NPDC1: variants seen among roughly 807,000 people sequenced by gnomAD.
NPDC1 encodes the protein neural proliferation, differentiation and control 1.
Under a neutral mutation model 32.5 loss-of-function variants are expected in NPDC1, and 18 were observed. The observed-to-expected ratio is 0.55, with a 90% confidence interval of 0.38 to 0.82. NPDC1 has a LOEUF of 0.82. Among genes scored for constraint, NPDC1 ranks in the 40% least tolerant of loss-of-function variants. The probability of loss-of-function intolerance (pLI) is 0.00; values close to 1 mark genes in which losing one functional copy is unlikely to be tolerated. For synonymous variants in NPDC1, 210 were observed against 184.7 expected, an observed-to-expected ratio of 1.14 and a Z score of -1.11; for missense variants, 468 against 406.6, an observed-to-expected ratio of 1.15 and a Z score of -1.30.
chr9:137,044,444 G>A (rs1168651336), intron 1 of NPDC1, among the ~76,000 whole-genome samples: 1 of 152,232 alleles, frequency 6.6e-6, no homozygotes, highest in Admixed American at 6.5e-5. Context: ...GCCAAAGGCA[G>A]GGGCCTGAGG....
rs1450168233 is a variant in NPDC1, at chr9:137,040,723, A to G, written c.571T>C (p.Phe191Leu). The stretch of plus-strand genomic sequence containing the variant: ...AGGGCGGCTGCACCGGCCACACAGA[A>G]CGCCAGGATCAGCACTGCAGGAGGG... ...DGLALVLILA[F>L]CVAGAAALSV... Residue 191 changes from phenylalanine (F) to leucine (L), a missense_variant, in exon 5 of 9, where the codon TTC (phenylalanine) becomes CTC (leucine). Physicochemically the swap from Phe to Leu is conservative, Grantham distance 22 (BLOSUM62 0). Transcript: ENST00000371601. 2 of 1,590,208 alleles carry G rather than the reference A, an allele frequency of 1.3e-6. No individual in the cohort carries two copies. The highest frequency in any genetic ancestry group is 1.7e-6 in the Non-Finnish European group (2 of 1,173,782).
rs1203120822 is a variant in NPDC1, at chr9:137,045,890, C to T, written c.100G>A (p.Ala34Thr). 48 of 1,106,096 alleles carry T rather than the reference C, an allele frequency of 4.3e-5. No homozygotes were observed. The East Asian group carries it at 2.4e-3, about 55-fold the overall frequency. The allele number at this position is 1,106,096 out of a possible 1,614,324, so 68.5% of individuals were successfully genotyped here. A position where few individuals can be genotyped will look rare whatever the true frequency, so the allele number is the denominator to read the frequency against. ...VLGAALRGAA[A>T]GHPDVAACPG... ...CGCGCTCGCTCACCCGGGTGGCCGG[C>T]GGCGGCTCCACGCAGGGCGGCGCCG... The change falls in exon 1 of 9, where the codon GCC (alanine) becomes ACC (threonine). Residue 34 changes from alanine to threonine, a missense_variant. Physicochemically the swap from Ala to Thr is moderately conservative, Grantham distance 58. Transcript: ENST00000371601.
At chr9:137,044,028 G>A (rs1166905409) in intron 1 of NPDC1, 1 of 153,022 alleles carries the variant, frequency 6.5e-6, no homozygotes, top group Non-Finnish European at 1.5e-5. Flanking sequence ...CCTGCCTGGG[G>A]AGTCTGCGGT....
In NPDC1 at chr9:137,040,693, C is replaced by A. The variant is rs752841069; in HGVS notation, c.601G>T (p.Val201Leu). The A allele has an allele frequency of 6.3e-7, 1 of 1,584,650 alleles. No individual in the cohort carries two copies. The highest frequency in any genetic ancestry group is 8.5e-7 in the Non-Finnish European group (1 of 1,170,948). Residue 201 changes from valine (V) to leucine (L), a missense_variant, in exon 5 of 9, where the codon GTA becomes TTA. Val to Leu is a conservative substitution (Grantham distance 32, BLOSUM62 1). Transcript: ENST00000371601. ...CACCTGCACCAGCAGAGGGAGGCTA[C>A]GGAGAGGGCGGCTGCACCGGCCACA... ...FCVAGAAALS[V>L]ASLCWCRLQR...
In NPDC1 at chr9:137,040,843, CG is replaced by C; in HGVS notation, c.526del (p.Arg176GlyfsTer12). 6.3e-7 allele frequency: 1 copy of C among 1,596,672 alleles called. No homozygotes were observed. Among genetic ancestry groups the C allele is most frequent in the South Asian group, 1.1e-5 (1 of 89,324 alleles). On this transcript the variant is annotated frameshift_variant, in exon 4 of 9. Coordinates refer to ENST00000371601, the MANE Select transcript of NPDC1 (RefSeq NM_015392.4). LOFTEE classifies it high-confidence loss of function. ...GGCGAGGCCGTCGCCTTGCCCTCCC[CG>C]GGGCTCCAGGGGCGACATGTGCACC... ...DPVHMSPLEP[R>X]GGQGDGLALV... is the part of the protein sequence containing the mutation.
At position 137,046,065 on chromosome 9, in the gene NPDC1, G is replaced by T; in HGVS notation, c.-76C>A. ...GCGCGGGCTCCGGGCTCCGCGTCGG[G>T]AGCAGCGGAGGCAGCGGGGGAGGAC... is the stretch of plus-strand genomic sequence containing the variant. On this transcript the variant is annotated 5_prime_UTR_variant, in exon 1 of 9. Coordinates refer to ENST00000371601, the MANE Select transcript of NPDC1 (RefSeq NM_015392.4). The T allele has an allele frequency of 8.8e-7, 1 of 1,133,602 alleles. No homozygotes were observed. Among genetic ancestry groups the T allele is most frequent in the South Asian group, 4.4e-5 (1 of 22,942 alleles). 70.2% of individuals were successfully genotyped at this position (1,133,602 alleles called of 1,614,324 possible). A position where few individuals can be genotyped will look rare whatever the true frequency, so the allele number is the denominator to read the frequency against.
chr9:137,042,877 A>C (rs765279872), intron 2 of NPDC1, 50 bp downstream of exon 2: 2 of 1,542,056 alleles, frequency 1.3e-6, no homozygotes, highest in Non-Finnish European at 1.7e-6. Flanking sequence ...TTACAGGGAG[A>C]GGTTCATGCA....
At position 137,041,430 on chromosome 9, in the gene NPDC1, G is replaced by A. The variant is rs551144303; in HGVS notation, c.260-243C>T. Among the ~76,000 whole-genome samples, 6 of 152,304 alleles carry A rather than the reference G, an allele frequency of 3.9e-5. No individual in the cohort carries two copies. The South Asian group carries it at 1.0e-3, about 26-fold the overall frequency. ...AGGGAAACGTCCAAAGACCGGGCAC[G>A]GGGAGGAAGGAGTGGGGTCTCTCGC... On this transcript the variant is annotated intron_variant, in intron 2 of 8. Coordinates refer to ENST00000371601, the MANE Select transcript of NPDC1 (RefSeq NM_015392.4).
At chr9:137,041,500 C>T (rs1036981026) in intron 2 of NPDC1, among the ~76,000 whole-genome samples, 7 of 152,216 alleles carry the variant, frequency 4.6e-5, no homozygotes, top group African/African-American at 9.6e-5. Context: ...GCCCCTTCTG[C>T]TTCCCCACCT....
Position 137,039,648 on chromosome 9 carries a change from G to A in NPDC1, c.*124C>T, listed in dbSNP as rs1832014112. On this transcript the variant is annotated 3_prime_UTR_variant, in exon 9 of 9. Transcript: ENST00000371601. ...TCCCTGGCAAGGGGTCCCAGGGCCT[G>A]GAGCCCGAGGCCCAGCCAAAAGCAC... is the stretch of plus-strand genomic sequence containing the variant. 1.7e-6 allele frequency: 1 copy of A among 598,024 alleles called. No homozygotes were observed. The highest frequency in any genetic ancestry group is 3.0e-5 in the Admixed American group (1 of 32,960). 37.0% of individuals were successfully genotyped at this position (598,024 alleles called of 1,614,324 possible). A position where few individuals can be genotyped will look rare whatever the true frequency, so the allele number is the denominator to read the frequency against.
chr9:137,039,716 C>A lies in NPDC1; in HGVS notation c.*56G>T. The stretch of plus-strand genomic sequence containing the variant: ...TTTTAGTGGGAAGCTCCAGGCCCTG[C>A]CCCTCCCCGGGGGCCTCGAGGTCGG... On this transcript the variant is annotated 3_prime_UTR_variant, in exon 9 of 9. Coordinates refer to ENST00000371601, the MANE Select transcript of NPDC1 (RefSeq NM_015392.4). 2 of 701,154 alleles carry A rather than the reference C, an allele frequency of 2.9e-6. No homozygotes were observed. The highest frequency in any genetic ancestry group is 5.2e-6 in the Non-Finnish European group (2 of 382,832). The allele number at this position is 701,154 out of a possible 1,614,324, so 43.4% of individuals were successfully genotyped here.
In NPDC1 at chr9:137,040,442, G is replaced by A. The variant is rs753673404; in HGVS notation, c.709-6C>T. On this transcript the variant is annotated splice_polypyrimidine_tract_variant and splice_region_variant and intron_variant, in intron 6 of 8. Transcript: ENST00000371601. The stretch of plus-strand genomic sequence containing the variant: ...GCCAGCCGCTGGTCCCCAGGCTGTG[G>A]GAAGGAGGAGGCGAGGGTCAGTTGG... 1 of 1,556,514 alleles carries A rather than the reference G, an allele frequency of 6.4e-7. No individual in the cohort carries two copies. The highest frequency in any genetic ancestry group is 8.7e-7 in the Non-Finnish European group (1 of 1,151,616).
intron 1 of NPDC1, chr9:137,043,660 C>T: frequency 4.6e-6 from 2 of 436,564 alleles, no homozygotes; most frequent in Non-Finnish European, 8.2e-6. Flanking sequence ...TGGCCTCAGA[C>T]ACAGAACCCA....
At chr9:137,042,141 G>A (rs1007660145) in intron 2 of NPDC1, among the ~76,000 whole-genome samples, 4 of 152,232 alleles carry the variant, frequency 2.6e-5, no homozygotes, top group Non-Finnish European at 5.9e-5. Flanking sequence ...TGGAAAGGAT[G>A]GGAGGCTTCG....
At chr9:137,044,457 C>T (rs1022200372) in intron 1 of NPDC1, among the ~76,000 whole-genome samples, 6 of 152,226 alleles carry the variant, frequency 3.9e-5, no homozygotes, top group Non-Finnish European at 2.9e-5. Context: ...GCCTGAGGTA[C>T]AAAGCTGGCT....
rs1473719772 is a variant in NPDC1 at position 137,040,927 on chromosome 9, G to C, written c.443C>G (p.Pro148Arg). ...QGLELGLPST[P>R]GTPTPTPHTS... is the part of the protein sequence containing the mutation. The stretch of plus-strand genomic sequence containing the variant: ...GTGGGGCGTGGGCGTGGGGGTTCCT[G>C]GAGTGGAGGGGAGGCCCAGCTCCAG... Residue 148 changes from proline (P) to arginine (R), a missense_variant, in exon 4 of 9, where the codon CCA (proline) becomes CGA (arginine). Transcript: ENST00000371601. 1 of 1,560,712 alleles carries C rather than the reference G, an allele frequency of 6.4e-7. No individual in the cohort carries two copies. Among genetic ancestry groups the C allele is most frequent in the Non-Finnish European group, 8.6e-7 (1 of 1,156,864 alleles).
At chr9:137,043,667 C>A in intron 1 of NPDC1, 1 of 418,730 alleles carries the variant, frequency 2.4e-6, no homozygotes, top group Non-Finnish European at 4.3e-6. Context: ...AGACACAGAA[C>A]CCAGGCAGGT....
rs1832128269 is a variant in NPDC1, at chr9:137,046,172, G to A, written c.-183C>T. 5.5e-6 allele frequency: 6 copies of A among 1,100,162 alleles called. No homozygotes were observed. The highest frequency in any genetic ancestry group is 6.6e-6 in the Non-Finnish European group (6 of 903,286). The allele number at this position is 1,100,162 out of a possible 1,614,324, so 68.2% of individuals were successfully genotyped here. A position where few individuals can be genotyped will look rare whatever the true frequency, so the allele number is the denominator to read the frequency against. On this transcript the variant is annotated 5_prime_UTR_variant, in exon 1 of 9. Transcript: ENST00000371601. ...GGCGGCGGCGCTGACGCTGCAGCAA[G>A]GATCCGGGATGGAGGCGCCGGCGAG... is the stretch of plus-strand genomic sequence containing the variant.
At chr9:137,041,786 C>T (rs972118292) in intron 2 of NPDC1, among the ~76,000 whole-genome samples, 1 of 152,254 alleles carries the variant, frequency 6.6e-6, no homozygotes, top group African/African-American at 2.4e-5. Flanking sequence ...GCTGCTCCCA[C>T]CCCCAGCACC....
Sources: gnomAD v4.1 joint callset for allele counts (sites outside exome capture counted in the v4.1 genomes callset) on GRCh38, gnomAD v4.1.1 for gene constraint, MANE v1.5 for transcripts, NCBI Gene and HGNC (gene_info 2026-07-23, HGNC 2026-07-21) for gene names.